DHX15: variants seen among roughly 807,000 people sequenced by gnomAD.
DHX15 encodes the protein DEAH-box helicase 15, also known as ATP-dependent RNA helicase DHX15.
A neutral mutation model predicts 94.4 loss-of-function variants in DHX15; 11 were observed. The ratio of observed to expected loss-of-function variants is 0.12; its 90% confidence interval spans 0.07 to 0.19. DHX15 has a LOEUF of 0.19. Ranked by LOEUF, DHX15 falls within the 10% of genes least tolerant of loss-of-function variation. The pLI is 1.00. For synonymous variants in DHX15, 338 were observed against 329.9 expected (o/e 1.02, Z -0.27); for missense variants, 304 against 988.5 (o/e 0.31, Z 9.29).
intron 2 of DHX15, among the ~76,000 whole-genome samples, chr4:24,574,230 T>TAAAAAAAAAAAAAAAAA (rs1413770864): frequency 4.4e-4 from 36 of 81,836 alleles, no homozygotes; most frequent in Non-Finnish European, 5.2e-4. Context: ...AAAAAAAAAG[T>TAAAAAAAAAAAAAAAAA]TAAAGTCATT....
At chr4:24,582,656 C>A (rs189036058) in intron 1 of DHX15, among the ~76,000 whole-genome samples, 3 of 152,312 alleles carry the variant, frequency 2.0e-5, no homozygotes, top group Non-Finnish European at 4.4e-5. Flanking sequence ...CAGTACTGAA[C>A]TGTGTGCTGC....
chr4:24,540,087 T>A, intron 10 of DHX15, 21 bp downstream of exon 10: 4 of 1,460,634 alleles, frequency 2.7e-6, no homozygotes, highest in Non-Finnish European at 3.6e-6. Flanking sequence ...GGGCTTTTTT[T>A]TGTTCCTTTC....
chr4:24,553,125 C>G (rs1388674308), intron 5 of DHX15, among the ~76,000 whole-genome samples: 1 of 151,888 alleles, frequency 6.6e-6, no homozygotes, highest in African/African-American at 2.4e-5. Context: ...GAGTTCAAGA[C>G]CAGCCTGACC....
At chr4:24,536,911 T>C in intron 11 of DHX15, 140 bp downstream of exon 11, 1 of 954,446 alleles carries the variant, frequency 1.0e-6, no homozygotes, top group African/African-American at 1.7e-5. Context: ...TTTTAAATGC[T>C]CGTCAGGAGT....
Position 24,548,839 on chromosome 4 carries a change from G to A in DHX15, c.1248+16C>T, listed in dbSNP as rs2109402493. On this transcript the variant is annotated intron_variant, in intron 6 of 13. Coordinates refer to ENST00000336812, the MANE Select transcript of DHX15 (RefSeq NM_001358.3). ...ATTATTAGTGAAATATTTATAAAGA[G>A]CATTTCTAATGTTACCTTTCTTCCA... 6.2e-7 allele frequency: 1 copy of A among 1,602,248 alleles called. No homozygotes were observed.
At chr4:24,542,127 A>G in intron 7 of DHX15, 105 bp from the exon 8 acceptor site, 2 of 956,586 alleles carry the variant, frequency 2.1e-6, no homozygotes, top group Non-Finnish European at 3.0e-6. Flanking sequence ...TAAATAAAGA[A>G]ATATCGATAG....
chr4:24,538,613 T>C lies in DHX15; in HGVS notation c.1787-1440A>G, dbSNP rs1721241042. ...ATTTTTTATTCCCTGACTTCTTACTTGCCTCTTATTTCAACACTTTTCCTA... is the reference window on the plus strand; with the variant it reads ...ATTTTTTATTCCCTGACTTCTTACTCGCCTCTTATTTCAACACTTTTCCTA... On this transcript the variant is annotated intron_variant, in intron 10 of 13. Transcript: ENST00000336812. The C allele has an allele frequency of 3.3e-5, 5 of 152,160 alleles. No individual in the cohort carries two copies. In the South Asian group the frequency reaches 1.0e-3, roughly 31 times the overall value. 9.4% of individuals were successfully genotyped at this position (152,160 alleles called of 1,614,324 possible).
In DHX15 at chr4:24,554,767, T is replaced by C. The variant is rs748020092; in HGVS notation, c.1038A>G (p.Glu346=). ...IRTVIQIHMC[E]EEEGDLLLFL... Reference sequence around the variant, plus strand: ...AAAGAAGAAGATCTCCCTCTTCCTCTTCACACATATGAATCTGGATAACTG... The same window carrying C: ...AAAGAAGAAGATCTCCCTCTTCCTCCTCACACATATGAATCTGGATAACTG... The change falls in exon 5 of 14, where the codon GAA becomes GAG. Residue 346 remains glutamate, a synonymous_variant. Coordinates refer to ENST00000336812, the MANE Select transcript of DHX15 (RefSeq NM_001358.3). 4 of 1,613,756 alleles carry C rather than the reference T, an allele frequency of 2.5e-6. No homozygotes were observed. The Admixed American group carries it at 6.7e-5, about 27-fold the overall frequency.
chr4:24,555,288 T>C (rs1721704599), intron 4 of DHX15, among the ~76,000 whole-genome samples: 1 of 143,410 alleles, frequency 7.0e-6, no homozygotes, highest in Non-Finnish European at 1.5e-5. Flanking sequence ...ACTTTGCAAA[T>C]AGGAAAAAAC....
intron 1 of DHX15, among the ~76,000 whole-genome samples, chr4:24,577,527 T>C (rs966000242): frequency 6.6e-6 from 1 of 152,148 alleles, no homozygotes; most frequent in Admixed American, 6.6e-5. Flanking sequence ...TACCATAAAA[T>C]GAAACATAGC....
chr4:24,574,205 C>CTAAAAAAAAAAAAAAAAAAAAAAA (rs1722189235), intron 2 of DHX15, among the ~76,000 whole-genome samples: 1 of 68,876 alleles, frequency 1.5e-5, no homozygotes, highest in East Asian at 3.6e-4. Flanking sequence ...GACTTTGTCT[C>CTAAAAAAAAAAAAAAAAAAAAAAA]AAAAAAAAAA....
chr4:24,536,750 G>T (rs1276103600), intron 11 of DHX15, among the ~76,000 whole-genome samples: 3 of 152,058 alleles, frequency 2.0e-5, no homozygotes, highest in South Asian at 2.1e-4. Context: ...AAAATGCACA[G>T]AAATAAAAGT....
Position 24,576,480 on chromosome 4 carries a change from A to G in DHX15, c.270T>C (p.His90=). 1 of 1,614,188 alleles carries G rather than the reference A, an allele frequency of 6.2e-7. No individual in the cohort carries two copies. Residue 90 remains histidine (H), a synonymous_variant, in exon 2 of 14, where the codon CAT becomes CAC. Coordinates refer to ENST00000336812, the MANE Select transcript of DHX15 (RefSeq NM_001358.3). The part of the protein sequence containing the change: ...SHSAHSTHSA[H]STHSTHSAHS... Reference sequence around the variant, plus strand: ...GAGCAGAATGTGTTGAATGCGTTGAATGTGCTGAGTGGGTTGAGTGAGCTG... The same window carrying G: ...GAGCAGAATGTGTTGAATGCGTTGAGTGTGCTGAGTGGGTTGAGTGAGCTG...
At chr4:24,573,786 C>T (rs1722176887) in intron 2 of DHX15, among the ~76,000 whole-genome samples, 1 of 152,312 alleles carries the variant, frequency 6.6e-6, no homozygotes, top group South Asian at 2.1e-4. Flanking sequence ...CTTAGCTCAA[C>T]ATGCGTCCTT....
At chr4:24,578,392 T>A (rs1722323533) in intron 1 of DHX15, among the ~76,000 whole-genome samples, 1 of 152,208 alleles carries the variant, frequency 6.6e-6, no homozygotes, top group Non-Finnish European at 1.5e-5. Context: ...CCCAGCAAAG[T>A]AAGAAGCACT....
chr4:24,541,254 T>TTA (rs1192392414), intron 8 of DHX15, among the ~76,000 whole-genome samples: 1 of 152,110 alleles, frequency 6.6e-6, no homozygotes, highest in Non-Finnish European at 1.5e-5. Context: ...ACAGAAAAAA[T>TTA]TTTAAAGATT....
chr4:24,544,399 T>C (rs907808318), intron 6 of DHX15, among the ~76,000 whole-genome samples: 1 of 152,132 alleles, frequency 6.6e-6, no homozygotes, highest in African/African-American at 2.4e-5. Flanking sequence ...TTCAGAATAA[T>C]TTACAAGTCA....
intron 6 of DHX15, among the ~76,000 whole-genome samples, chr4:24,545,129 C>T (rs2048026): frequency 0.34 from 51,951 of 151,946 alleles, 9,246 homozygotes; most frequent in South Asian, 0.48. Flanking sequence ...ACAGAACCAA[C>T]TACATGCCTG....
At chr4:24,532,213 A>G (rs1195621948) in intron 12 of DHX15, among the ~76,000 whole-genome samples, 1 of 152,254 alleles carries the variant, frequency 6.6e-6, no homozygotes, top group Non-Finnish European at 1.5e-5. Flanking sequence ...TATAGCCGTT[A>G]ACACAGCATA....
Sources: allele counts gnomAD v4.1 joint callset (sites outside exome capture counted in the v4.1 genomes callset), GRCh38; gene constraint gnomAD v4.1.1; transcripts MANE v1.5; gene names NCBI Gene and HGNC (gene_info 2026-07-23, HGNC 2026-07-21).